Variants in PREX2 observed in about 807,000 individuals in gnomAD.
PREX2 encodes phosphatidylinositol 3,4,5-trisphosphate-dependent Rac exchanger 2 protein.
In PREX2, 107 loss-of-function variants were observed where a neutral mutation model predicts 203.2. That is an observed-to-expected ratio of 0.53 (90% CI 0.45 to 0.62). The LOEUF (loss-of-function observed/expected upper bound fraction) is 0.62. PREX2 is among the 20% of genes least tolerant of loss of function. The pLI is 0.00. For synonymous variants in PREX2, 672 were observed against 663.6 expected, an observed-to-expected ratio of 1.01 and a Z score of -0.19; for missense variants, 1,777 against 1,955.9, an observed-to-expected ratio of 0.91 and a Z score of 1.72.
At chr8:68,136,631 T>A (rs1811117916) in intron 32 of PREX2, among the ~76,000 whole-genome samples, 1 of 152,222 alleles carries the variant, frequency 6.6e-6, no homozygotes, top group Non-Finnish European at 1.5e-5. Flanking sequence ...CCTTTCTTTC[T>A]AGGGTCATGA....
chr8:68,074,785 G>A (rs535523649), intron 14 of PREX2, among the ~76,000 whole-genome samples: 3 of 152,066 alleles, frequency 2.0e-5, no homozygotes, highest in Non-Finnish European at 4.4e-5. Context: ...TGATTTGGAC[G>A]GTTTTAGAAC....
At position 68,138,505 on chromosome 8, in the gene PREX2, C is replaced by A. The variant is rs2129613504; in HGVS notation, c.4075C>A (p.Pro1359Thr). ...SFYFKPSEEE[P>T]LVANVPLTYQ... ...TTACTTTAAACCATCAGAAGAGGAA[C>A]CTCTGGTTGCAAGTAAGTAATTAGG... Residue 1359 changes from proline to threonine, a missense_variant, in exon 33 of 40, where the codon CCT (proline) becomes ACT (threonine). Physicochemically the swap from Pro to Thr is conservative, Grantham distance 38 (BLOSUM62 -1). Coordinates refer to ENST00000288368, the MANE Select transcript of PREX2 (RefSeq NM_024870.4). 1 of 1,576,598 alleles carries A rather than the reference C, an allele frequency of 6.3e-7. No homozygotes were observed. The highest frequency in any genetic ancestry group is 2.3e-5 in the East Asian group (1 of 44,158).
intron 1 of PREX2, among the ~76,000 whole-genome samples, chr8:67,976,985 A>G (rs182566970): frequency 1.3e-5 from 2 of 152,338 alleles, no homozygotes; most frequent in East Asian, 3.9e-4. Flanking sequence ...TGTGAGCAAA[A>G]TAAATGGTTA....
rs140494334 is a variant in PREX2 at position 68,080,768 on chromosome 8, A to G, written c.1808A>G (p.Tyr603Cys). ...SLLIKSNEGSYGFGLEDKNKV... is the reference protein window; with the variant it reads ...SLLIKSNEGSCGFGLEDKNKV... ...CAGATTAAATCCAATGAAGGCAGCTATGGCTTTGGATTAGAAGACAAAAAT... is the reference window on the plus strand; with the variant it reads ...CAGATTAAATCCAATGAAGGCAGCTGTGGCTTTGGATTAGAAGACAAAAAT... Residue 603 changes from tyrosine (Y) to cysteine (C), a missense_variant, in exon 17 of 40, where the codon TAT becomes TGT. Coordinates refer to ENST00000288368, the MANE Select transcript of PREX2 (RefSeq NM_024870.4). 118 of 1,570,576 alleles carry G rather than the reference A, an allele frequency of 7.5e-5. No individual in the cohort carries two copies. The highest frequency in any genetic ancestry group is 9.5e-5 in the Non-Finnish European group (109 of 1,148,266).
chr8:68,099,363 T>C (rs998295308), intron 22 of PREX2, among the ~76,000 whole-genome samples: 4 of 152,070 alleles, frequency 2.6e-5, no homozygotes, highest in African/African-American at 4.8e-5. Context: ...CACAGCAGAA[T>C]GTACTGATGT....
intron 8 of PREX2, among the ~76,000 whole-genome samples, chr8:68,050,478 A>G (rs189547538): frequency 7.2e-5 from 11 of 152,280 alleles, no homozygotes; most frequent in South Asian, 4.1e-4. Context: ...CTCACTCACT[A>G]TCATGAGAAC....
chr8:68,172,039 A>T (rs1811887493), intron 35 of PREX2, among the ~76,000 whole-genome samples: 1 of 152,146 alleles, frequency 6.6e-6, no homozygotes, highest in Non-Finnish European at 1.5e-5. Context: ...ATATCTTAAG[A>T]TGCATTCATA....
chr8:68,116,579 C>G (rs372094903), intron 26 of PREX2, among the ~76,000 whole-genome samples: 1 of 152,178 alleles, frequency 6.6e-6, no homozygotes, highest in South Asian at 2.1e-4. Flanking sequence ...GGATCCGTGC[C>G]AGGCGTGGCT....
At chr8:68,223,306 TG>T (rs1267181791) in intron 38 of PREX2, 2 of 152,256 alleles carry the variant, frequency 1.3e-5, no homozygotes, top group Non-Finnish European at 2.9e-5. Flanking sequence ...GTTTTGTTTT[TG>T]TTTTTGTTTT....
At position 67,968,000 on chromosome 8, in the gene PREX2, C is replaced by A. The variant is rs369634315; in HGVS notation, c.141+15465C>A. On this transcript the variant is annotated intron_variant, in intron 1 of 39. Coordinates refer to ENST00000288368, the MANE Select transcript of PREX2 (RefSeq NM_024870.4). Reference sequence around the variant, plus strand: ...ATGACGAGTTAATGGATGCAGCACACCAACACGGCACAGGTATGCATATGT... The same window carrying A: ...ATGACGAGTTAATGGATGCAGCACAACAACACGGCACAGGTATGCATATGT... Among the ~76,000 whole-genome samples, 186 of 151,688 alleles carry A rather than the reference C, an allele frequency of 1.2e-3. 2 individuals carry two copies. The highest frequency in any genetic ancestry group is 4.2e-3 in the African/African-American group (174 of 41,320).
At chr8:68,069,268 C>T (rs552675413) in intron 12 of PREX2, 132 bp downstream of exon 12, 142 of 569,190 alleles carry the variant, frequency 2.5e-4, no homozygotes, top group Admixed American at 7.2e-4. Context: ...ACAAGCAAGC[C>T]TCTTTATTTA....
At chr8:68,098,938 GTATATATATATATATATATATATA>G (rs71253061) in intron 22 of PREX2, among the ~76,000 whole-genome samples, 31,866 of 109,988 alleles carry the variant, frequency 0.29, 4,626 homozygotes, top group Middle Eastern at 0.49. Context: ...ATATATATGT[GTATATATATATATATATATATATA>G]TATATATATA....
At chr8:68,073,755 C>G (rs1397368760) in intron 14 of PREX2, among the ~76,000 whole-genome samples, 1 of 152,102 alleles carries the variant, frequency 6.6e-6, no homozygotes, top group Non-Finnish European at 1.5e-5. Flanking sequence ...TGGACTTTCA[C>G]ATAGAAATTA....
At position 68,108,266 on chromosome 8, in the gene PREX2, T is replaced by G; in HGVS notation, c.2873T>G (p.Phe958Cys). The G allele has an allele frequency of 6.2e-7, 1 of 1,613,992 alleles. No homozygotes were observed. The highest frequency in any genetic ancestry group is 8.5e-7 in the Non-Finnish European group (1 of 1,179,918). Residue 958 changes from phenylalanine (F) to cysteine (C), a missense_variant, in exon 24 of 40, where the codon TTT becomes TGT. By Grantham distance (205) the Phe-to-Cys change is radical (BLOSUM62 -2). Coordinates refer to ENST00000288368, the MANE Select transcript of PREX2 (RefSeq NM_024870.4). ...PKTSTSLGSA[F>C]GVQLDSRKHN... is the part of the protein sequence containing the mutation. ...ACATCAACCTCTTTGGGAAGTGCATTTGGTGTTCAGTTGGATAGCAGGAAG... is the reference window on the plus strand; with the variant it reads ...ACATCAACCTCTTTGGGAAGTGCATGTGGTGTTCAGTTGGATAGCAGGAAG...
chr8:68,217,647 A>G lies in PREX2; in HGVS notation c.4636A>G (p.Ile1546Val), dbSNP rs1031818177. The G allele has an allele frequency of 2.5e-6, 4 of 1,614,172 alleles. No individual in the cohort carries two copies. Among genetic ancestry groups the G allele is most frequent in the Non-Finnish European group, 3.4e-6 (4 of 1,180,010 alleles). The change falls in exon 38 of 40, where the codon ATC becomes GTC. Residue 1546 changes from isoleucine (I) to valine (V), a missense_variant. Transcript: ENST00000288368. ...CCTGAGCGTGACGCTGGAGCAAGCCATCATTCTGGCCAGAAGCCACGGACT... is the reference window on the plus strand; with the variant it reads ...CCTGAGCGTGACGCTGGAGCAAGCCGTCATTCTGGCCAGAAGCCACGGACT... Reference protein sequence around the residue: ...CTLSVTLEQAIILARSHGLPP... With the variant: ...CTLSVTLEQAVILARSHGLPP...
At chr8:68,198,420 T>C (rs1240669116) in intron 37 of PREX2, among the ~76,000 whole-genome samples, 1 of 152,220 alleles carries the variant, frequency 6.6e-6, no homozygotes, top group Non-Finnish European at 1.5e-5. Context: ...AATTTGCTTT[T>C]GTACCCATGC....
intron 1 of PREX2, among the ~76,000 whole-genome samples, chr8:68,017,026 G>A (rs1421892137): frequency 6.6e-6 from 1 of 152,060 alleles, no homozygotes; most frequent in Non-Finnish European, 1.5e-5. Context: ...GGTGTCTTGA[G>A]GACATAAATG....
Position 68,017,884 on chromosome 8 carries a change from A to C in PREX2, c.180A>C (p.Lys60Asn). The C allele has an allele frequency of 6.2e-7, 1 of 1,612,988 alleles. No individual in the cohort carries two copies. The highest frequency in any genetic ancestry group is 8.5e-7 in the Non-Finnish European group (1 of 1,179,300). ...LHRMNQCAAS[K>N]VDKNVTEETV... ...GAATGAACCAGTGTGCAGCATCAAA[A>C]GTTGACAAAAATGTGACAGAAGAAA... Residue 60 changes from lysine to asparagine, a missense_variant, in exon 2 of 40, where the codon AAA becomes AAC. Transcript: ENST00000288368.
At chr8:68,191,056 T>C (rs1812283024) in intron 35 of PREX2, among the ~76,000 whole-genome samples, 1 of 152,138 alleles carries the variant, frequency 6.6e-6, no homozygotes, top group Non-Finnish European at 1.5e-5. Context: ...TCCTTTGCAG[T>C]GTGTCCTTTG....
Sources: gnomAD v4.1 joint callset for allele counts (sites outside exome capture counted in the v4.1 genomes callset) on GRCh38, gnomAD v4.1.1 for gene constraint, MANE v1.5 for transcripts, NCBI Gene and HGNC (gene_info 2026-07-23, HGNC 2026-07-21) for gene names.